Variants in CFAP54 observed in about 807,000 individuals in gnomAD.
CFAP54 encodes cilia- and flagella-associated protein 54.
Under a neutral mutation model 370.4 loss-of-function variants are expected in CFAP54, and 290 were observed. The observed-to-expected ratio is 0.78, with a 90% CI of 0.71 to 0.86. The LOEUF (loss-of-function observed/expected upper bound fraction) is 0.86, where lower values mean the gene tolerates loss of function less well. Ranked by LOEUF, CFAP54 falls within the 40% of genes least tolerant of loss-of-function variation. The pLI is 0.00. For missense variants in CFAP54, 3,399 were observed against 3,528.7 expected (o/e 0.96, Z 0.93); for synonymous variants, 1,206 against 1,236.5 (o/e 0.98, Z 0.52).
intron 56 of CFAP54, among the ~76,000 whole-genome samples, chr12:96,755,658 CTTTTTTCCTTTTTTTTTTTTTT>C (rs144853629): frequency 0.39 from 54,772 of 140,890 alleles, 10,890 homozygotes; most frequent in East Asian, 0.62. Context: ...ATTTTCTTTT[CTTTTTTCCTTTTTTTTTTTTTT>C]TTTTTGAGAC....
At chr12:96,667,897 C>T (rs550730659) in intron 39 of CFAP54, among the ~76,000 whole-genome samples, 1 of 152,284 alleles carries the variant, frequency 6.6e-6, no homozygotes, top group South Asian at 2.1e-4. Flanking sequence ...TTAGAAATTT[C>T]TTCTGCCAGA....
intron 43 of CFAP54, among the ~76,000 whole-genome samples, chr12:96,690,179 C>T (rs1748140407): frequency 6.6e-6 from 1 of 152,100 alleles, no homozygotes; most frequent in Admixed American, 6.5e-5. Context: ...CTTAGTAATA[C>T]TATACCTAAA....
intron 14 of CFAP54, among the ~76,000 whole-genome samples, chr12:96,542,452 CT>C (rs1331958843): frequency 3.9e-5 from 6 of 152,238 alleles, no homozygotes; most frequent in Admixed American, 2.0e-4. Context: ...GATTAAAATG[CT>C]TTTTTTCCTT....
intron 66 of CFAP54, among the ~76,000 whole-genome samples, chr12:96,841,845 G>T (rs565040495): frequency 5.9e-5 from 9 of 152,316 alleles, no homozygotes; most frequent in African/African-American, 1.7e-4. Flanking sequence ...GCCACCTATT[G>T]GTTGTATGAC....
intron 67 of CFAP54, among the ~76,000 whole-genome samples, chr12:96,872,705 G>C (rs1243147250): frequency 6.6e-6 from 1 of 152,154 alleles, no homozygotes; most frequent in Non-Finnish European, 1.5e-5. Context: ...AAGGTATTTT[G>C]ATAAGTCTGT....
At chr12:96,562,797 T>C (rs1362141713) in intron 17 of CFAP54, among the ~76,000 whole-genome samples, 1 of 152,196 alleles carries the variant, frequency 6.6e-6, no homozygotes, top group Non-Finnish European at 1.5e-5. Context: ...CTTCATCTTT[T>C]TACATTTTAT....
chr12:96,793,343 C>T (rs1394569393), intron 63 of CFAP54, among the ~76,000 whole-genome samples: 4 of 152,138 alleles, frequency 2.6e-5, no homozygotes, highest in African/African-American at 9.7e-5. Flanking sequence ...CAATTCCATC[C>T]AGGTTGCTGT....
intron 45 of CFAP54, among the ~76,000 whole-genome samples, chr12:96,698,143 A>G (rs539585774): frequency 1.3e-5 from 2 of 152,308 alleles, no homozygotes; most frequent in East Asian, 3.9e-4. Context: ...TGAAACTTAG[A>G]TAAACATGCA....
intron 65 of CFAP54, among the ~76,000 whole-genome samples, chr12:96,827,716 A>G (rs1171572797): frequency 7.8e-6 from 1 of 127,528 alleles, no homozygotes; most frequent in African/African-American, 2.9e-5. Flanking sequence ...ATATATAATT[A>G]TATATAATTA....
At chr12:96,615,805 A>G (rs1400563931) in intron 26 of CFAP54, among the ~76,000 whole-genome samples, 1 of 152,346 alleles carries the variant, frequency 6.6e-6, no homozygotes, top group East Asian at 1.9e-4. Flanking sequence ...AATCAAAACC[A>G]CAATGAGATA....
At chr12:96,543,092 A>G (rs1316997274) in intron 14 of CFAP54, among the ~76,000 whole-genome samples, 1 of 152,198 alleles carries the variant, frequency 6.6e-6, no homozygotes, top group East Asian at 1.9e-4. Flanking sequence ...ATTTTTCAGC[A>G]ACAGTACTTC....
rs149195544 is a variant in CFAP54, at chr12:96,684,691, G to A, written c.5760G>A (p.Ala1920=). The A allele has an allele frequency of 6.1e-5, 98 of 1,613,322 alleles. 1 individual carries two copies. In the South Asian group the frequency reaches 8.0e-4, roughly 13 times the overall value. ...ASNQRSLKVQ[A]LHSLGSLLIF... ...ATCAAAGAAGTCTTAAAGTTCAGGC[G>A]TTGCATTCACTTGGAAGTCTTCTCA... Residue 1920 remains alanine, a synonymous_variant, in exon 41 of 68, where the codon GCG becomes GCA. Transcript: ENST00000524981.
rs1282655527 is a variant in CFAP54 at position 96,708,600 on chromosome 12, T to G, written c.6529-8T>G. ...AATTTGCTCTTTTTCCTTTTTTCCATTTTTTAGGCAATTGATGAATTAAGA... is the reference window on the plus strand; with the variant it reads ...AATTTGCTCTTTTTCCTTTTTTCCAGTTTTTAGGCAATTGATGAATTAAGA... On this transcript the variant is annotated splice_polypyrimidine_tract_variant and splice_region_variant and intron_variant, in intron 47 of 67. Coordinates refer to ENST00000524981, the MANE Select transcript of CFAP54 (RefSeq NM_001306084.2). 6.3e-7 allele frequency: 1 copy of G among 1,580,376 alleles called. No individual in the cohort carries two copies. The highest frequency in any genetic ancestry group is 8.5e-7 in the Non-Finnish European group (1 of 1,170,848).
chr12:96,752,067 C>T (rs963880581), intron 55 of CFAP54, among the ~76,000 whole-genome samples: 1 of 137,178 alleles, frequency 7.3e-6, no homozygotes, highest in Admixed American at 8.1e-5. Flanking sequence ...AGTAAGGACT[C>T]AGTAACTTCT....
intron 22 of CFAP54, among the ~76,000 whole-genome samples, chr12:96,587,893 G>A (rs1041428878): frequency 6.6e-6 from 1 of 152,006 alleles, no homozygotes; most frequent in Non-Finnish European, 1.5e-5. Flanking sequence ...CGAAGACTTG[G>A]CTTCACTATT....
At chr12:96,493,010 G>A (rs1281146516) in intron 1 of CFAP54, among the ~76,000 whole-genome samples, 3 of 148,072 alleles carry the variant, frequency 2.0e-5, no homozygotes, top group African/African-American at 5.1e-5. Context: ...AAAAAAAAAA[G>A]AGTTATTATC....
intron 26 of CFAP54, among the ~76,000 whole-genome samples, chr12:96,600,764 T>C (rs1956231313): frequency 6.6e-6 from 1 of 152,222 alleles, no homozygotes. Flanking sequence ...TCTGTTTGTC[T>C]GTTAATGGTG....
At chr12:96,605,997 A>T (rs117077998) in intron 26 of CFAP54, among the ~76,000 whole-genome samples, 1 of 152,198 alleles carries the variant, frequency 6.6e-6, no homozygotes, top group Non-Finnish European at 1.5e-5. Flanking sequence ...ACCTGTAGGC[A>T]TCCTTTATTT....
chr12:96,543,374 C>T (rs993792430), intron 14 of CFAP54, among the ~76,000 whole-genome samples: 2 of 152,154 alleles, frequency 1.3e-5, no homozygotes, highest in Admixed American at 1.3e-4. Flanking sequence ...AGGGCCTGTT[C>T]CCATGAGGGA....
Sources: allele counts gnomAD v4.1 joint callset (sites outside exome capture counted in the v4.1 genomes callset), GRCh38; gene constraint gnomAD v4.1.1; transcripts MANE v1.5; gene names NCBI Gene and HGNC (gene_info 2026-07-23, HGNC 2026-07-21).